Variants in SNX16 observed in about 807,000 individuals in gnomAD.
SNX16 encodes sorting nexin 16.
Under a neutral mutation model 36.7 loss-of-function variants are expected in SNX16, and 35 were observed. The ratio of observed to expected loss-of-function variants is 0.95; its 90% CI spans 0.73 to 1.27. The LOEUF (loss-of-function observed/expected upper bound fraction) is 1.27, where lower values mean the gene tolerates loss of function less well. SNX16 is among the 50% of genes most tolerant of loss of function. SNX16 has a pLI of 0.00. For missense variants in SNX16, 367 were observed against 393.6 expected (o/e 0.93, Z 0.57); for synonymous variants, 134 against 132.0 (o/e 1.02, Z -0.10).
At chr8:81,822,996 CTA>C (rs377141855) in intron 4 of SNX16, among the ~76,000 whole-genome samples, 10 of 125,306 alleles carry the variant, frequency 8.0e-5, no homozygotes, top group South Asian at 2.5e-4. Flanking sequence ...GTGTGTATAT[CTA>C]TATATATATA....
At chr8:81,826,263 A>G (rs1467150079) in intron 3 of SNX16, among the ~76,000 whole-genome samples, 4 of 152,256 alleles carry the variant, frequency 2.6e-5, no homozygotes, top group African/African-American at 9.6e-5. Flanking sequence ...GTGGAAGAAT[A>G]TAACTGAACT....
Position 81,834,217 on chromosome 8 carries a change from A to C in SNX16, c.376-4701T>G, listed in dbSNP as rs191408110. On this transcript the variant is annotated intron_variant, in intron 2 of 7. Coordinates refer to ENST00000345957, the MANE Select transcript of SNX16 (RefSeq NM_152836.3). ...GTGCAAGGACATTCCCATTTTTAAA[A>C]CCATCAGATATCATGAGACTTACCC... Among the ~76,000 whole-genome samples the C allele has an allele frequency of 3.9e-5, 6 of 152,278 alleles. No individual in the cohort carries two copies. In the East Asian group the frequency reaches 1.2e-3, roughly 29 times the overall value.
chr8:81,835,499 C>T (rs1288208283), intron 2 of SNX16, among the ~76,000 whole-genome samples: 2 of 152,196 alleles, frequency 1.3e-5, no homozygotes, highest in East Asian at 1.9e-4. Context: ...TTATGCTGTG[C>T]TTCCGTTATA....
At chr8:81,817,654 GACTC>G (rs1383592326) in intron 4 of SNX16, among the ~76,000 whole-genome samples, 1 of 152,108 alleles carries the variant, frequency 6.6e-6, no homozygotes, top group Non-Finnish European at 1.5e-5. Flanking sequence ...GCTTCAACAA[GACTC>G]AGTCAGTAAA....
At chr8:81,811,104 A>G (rs1284887383) in intron 5 of SNX16, among the ~76,000 whole-genome samples, 1 of 152,234 alleles carries the variant, frequency 6.6e-6, no homozygotes, top group Admixed American at 6.5e-5. Context: ...GGAATCCTTG[A>G]GCTGGAAAAG....
At chr8:81,834,516 T>C (rs6984904) in intron 2 of SNX16, among the ~76,000 whole-genome samples, 37,743 of 152,064 alleles carry the variant, frequency 0.25, 5,240 homozygotes, top group East Asian at 0.37. Flanking sequence ...GTCCCTTCCG[T>C]CTATGAGCCT....
At chr8:81,831,552 GC>G (rs1811268329) in intron 2 of SNX16, among the ~76,000 whole-genome samples, 1 of 151,872 alleles carries the variant, frequency 6.6e-6, no homozygotes, top group Non-Finnish European at 1.5e-5. Flanking sequence ...ACAAAAATTA[GC>G]CAGATGTGGT....
chr8:81,808,652 A>G (rs1810084229), intron 5 of SNX16: 8 of 956,844 alleles, frequency 8.4e-6, no homozygotes, highest in South Asian at 6.4e-5. Context: ...GTGGAGGCCA[A>G]TACTTTGCCA....
At chr8:81,821,131 G>A (rs1027689524) in intron 4 of SNX16, among the ~76,000 whole-genome samples, 2 of 149,870 alleles carry the variant, frequency 1.3e-5, no homozygotes, top group African/African-American at 4.9e-5. Flanking sequence ...ATTCTTTCAT[G>A]CAAGATTTCT....
chr8:81,802,434 T>C lies in SNX16; in HGVS notation c.884A>G (p.Lys295Arg). Residue 295 changes from lysine (K) to arginine (R), a missense_variant, in exon 7 of 8, where the codon AAG becomes AGG. Transcript: ENST00000345957. ...VSETEGEQIL[K>R]VESSALEVDQ... ...AACCTCAAGTGCAGAGGACTCCACCTTTAGGATCTGTTCACCTTCTGTTTC... is the reference window on the plus strand; with the variant it reads ...AACCTCAAGTGCAGAGGACTCCACCCTTAGGATCTGTTCACCTTCTGTTTC... 1.2e-6 allele frequency: 2 copies of C among 1,610,794 alleles called. No individual in the cohort carries two copies. The highest frequency in any genetic ancestry group is 1.7e-6 in the Non-Finnish European group (2 of 1,177,778).
rs774044785 is a variant in SNX16, at chr8:81,802,496, T to C, written c.822A>G (p.Thr274=). ...HIDTLENRIR[T]LSLEPEESLD... is the part of the protein sequence containing the mutation. ...GTGATTCTTCAGGTTCTAAAGACAATGTTCTAAAAGTATGTTATAGCAACA... is the reference window on the plus strand; with the variant it reads ...GTGATTCTTCAGGTTCTAAAGACAACGTTCTAAAAGTATGTTATAGCAACA... Residue 274 remains threonine, a synonymous_variant, in exon 7 of 8, where the codon ACA becomes ACG. Transcript: ENST00000345957. 10 of 1,605,402 alleles carry C rather than the reference T, an allele frequency of 6.2e-6. No homozygotes were observed. The highest frequency in any genetic ancestry group is 8.5e-6 in the Non-Finnish European group (10 of 1,175,792).
intron 5 of SNX16, among the ~76,000 whole-genome samples, chr8:81,805,458 C>T (rs150705563): frequency 2.6e-5 from 4 of 151,870 alleles, no homozygotes; most frequent in Non-Finnish European, 5.9e-5. Flanking sequence ...AATTAAGAGA[C>T]AGGAAAAGAA....
Position 81,839,597 on chromosome 8 carries a change from G to A in SNX16, c.375+15C>T. ...TTTCACTTTGTAGTGTTATACAGCA[G>A]AAGTCAATACTTACAGTAAATTTAG... On this transcript the variant is annotated intron_variant, in intron 2 of 7. Coordinates refer to ENST00000345957, the MANE Select transcript of SNX16 (RefSeq NM_152836.3). 1 of 1,596,686 alleles carries A rather than the reference G, an allele frequency of 6.3e-7. No individual in the cohort carries two copies. The highest frequency in any genetic ancestry group is 8.5e-7 in the Non-Finnish European group (1 of 1,170,730).
chr8:81,835,055 T>C (rs1463867894), intron 2 of SNX16, among the ~76,000 whole-genome samples: 1 of 152,220 alleles, frequency 6.6e-6, no homozygotes, highest in African/African-American at 2.4e-5. Flanking sequence ...CCATACATCA[T>C]CTGAAATCTA....
intron 2 of SNX16, among the ~76,000 whole-genome samples, chr8:81,830,663 C>T (rs183640216): frequency 5.4e-5 from 8 of 148,384 alleles, no homozygotes; most frequent in Admixed American, 4.7e-4. Flanking sequence ...TTGGAAGAAT[C>T]AATATCATTA....
intron 4 of SNX16, among the ~76,000 whole-genome samples, chr8:81,816,176 A>ATTTTC (rs1554545056): frequency 1.3e-4 from 16 of 127,142 alleles, no homozygotes; most frequent in South Asian, 2.8e-4. Context: ...TTTACAAAGG[A>ATTTTC]TTTTCTTTTT....
Position 81,803,130 on chromosome 8 carries a change from C to T in SNX16, c.780G>A (p.Glu260=), listed in dbSNP as rs1233178339. The change falls in exon 6 of 8, where the codon GAG becomes GAA. Residue 260 remains glutamate (E), a synonymous_variant. Coordinates refer to ENST00000345957, the MANE Select transcript of SNX16 (RefSeq NM_152836.3). ...CTAAAGTGTCTATATGAAGTTGCTT[C>T]TCACTGAGCAGTTTCTTTAGTGATT... The part of the protein sequence containing the change: ...EMESLKKLLS[E]KQLHIDTLEN... 5.0e-6 allele frequency: 8 copies of T among 1,611,284 alleles called. No individual in the cohort carries two copies. The highest frequency in any genetic ancestry group is 5.9e-6 in the Non-Finnish European group (7 of 1,178,632).
intron 2 of SNX16, among the ~76,000 whole-genome samples, chr8:81,833,749 C>T (rs1002226732): frequency 3.9e-5 from 6 of 152,132 alleles, no homozygotes; most frequent in Admixed American, 6.6e-5. Flanking sequence ...AGATAAAATA[C>T]GACTTTTGTG....
chr8:81,815,403 A>AAAAT lies in SNX16; in HGVS notation c.612-10_612-9insATTT. The AAAAT allele has an allele frequency of 2.5e-6, 4 of 1,607,424 alleles. No homozygotes were observed. The highest frequency in any genetic ancestry group is 3.4e-6 in the Non-Finnish European group (4 of 1,177,088). On this transcript the variant is annotated splice_polypyrimidine_tract_variant and intron_variant, in intron 4 of 7. Transcript: ENST00000345957. ...ATTCTCTCACTGCAAGGCTTTTCAAAGGAAAAAAAAAATGATCTGAAGTAC... is the reference window on the plus strand; with the variant it reads ...ATTCTCTCACTGCAAGGCTTTTCAAAAAATGGAAAAAAAAAATGATCTGAAGTAC...
Sources: allele counts gnomAD v4.1 joint callset (sites outside exome capture counted in the v4.1 genomes callset), GRCh38; gene constraint gnomAD v4.1.1; transcripts MANE v1.5; gene names NCBI Gene and HGNC (gene_info 2026-07-23, HGNC 2026-07-21).